C12orf42: variants seen among roughly 807,000 people sequenced by gnomAD.
C12orf42 encodes chromosome 12 open reading frame 42, also known as uncharacterized protein C12orf42.
C12orf42 carries 25 observed loss-of-function variants against 21.6 expected under a neutral mutation model. The observed-to-expected ratio is 1.16, with a 90% CI of 0.84 to 1.62. The LOEUF (loss-of-function observed/expected upper bound fraction) is 1.62, where lower values mean the gene tolerates loss of function less well. C12orf42 is among the 40% of genes most tolerant of loss of function. The pLI, the probability that C12orf42 is intolerant of heterozygous loss-of-function variation, is 0.00. For synonymous variants in C12orf42, 174 were observed against 175.0 expected (o/e 0.99, Z 0.05); for missense variants, 483 against 459.3 (o/e 1.05, Z -0.47).
At chr12:103,256,146 GTATATATACACACA>G (rs2034601772) in intron 10 of C12orf42, among the ~76,000 whole-genome samples, 1 of 52,382 alleles carries the variant, frequency 1.9e-5, no homozygotes, top group Non-Finnish European at 3.5e-5. Context: ...ACACACACAC[GTATATATACACACA>G]TATATATACA....
intron 3 of C12orf42, among the ~76,000 whole-genome samples, chr12:103,382,152 T>C (rs951804581): frequency 3.3e-5 from 5 of 152,148 alleles, no homozygotes; most frequent in African/African-American, 1.2e-4. Context: ...AAGTAAAAGA[T>C]GGAATCATGG....
At chr12:103,275,988 T>C (rs979252477) in intron 5 of C12orf42, among the ~76,000 whole-genome samples, 2 of 152,144 alleles carry the variant, frequency 1.3e-5, no homozygotes, top group African/African-American at 4.8e-5. Context: ...TGAAAGGATC[T>C]CTTGAGCCCA....
chr12:103,455,231 G>A (rs1952209378), intron 2 of C12orf42, among the ~76,000 whole-genome samples: 1 of 152,128 alleles, frequency 6.6e-6, no homozygotes, highest in Non-Finnish European at 1.5e-5. Context: ...TATTCAAGAT[G>A]ATGCTGCAAC....
At chr12:103,271,784 C>T (rs887338042) in intron 5 of C12orf42, among the ~76,000 whole-genome samples, 2 of 152,138 alleles carry the variant, frequency 1.3e-5, no homozygotes, top group Admixed American at 1.3e-4. Flanking sequence ...TCATTTTCAA[C>T]ATATGCATTG....
intron 2 of C12orf42, among the ~76,000 whole-genome samples, chr12:103,422,677 A>C (rs2050011458): frequency 6.6e-6 from 1 of 152,214 alleles, no homozygotes; most frequent in Admixed American, 6.5e-5. Flanking sequence ...AAGCAAAAAT[A>C]AAGGAAATAA....
At chr12:103,483,283 T>C (rs1223756784) in intron 1 of C12orf42, among the ~76,000 whole-genome samples, 1 of 152,134 alleles carries the variant, frequency 6.6e-6, no homozygotes, top group Non-Finnish European at 1.5e-5. Flanking sequence ...TTGTTGATAA[T>C]GGGGAACACT....
At chr12:103,208,276 A>G in the C12orf42 span, among the ~76,000 whole-genome samples, 1 of 152,144 alleles carries the variant, frequency 6.6e-6, no homozygotes, top group Admixed American at 6.6e-5. Flanking sequence ...CTAACACACT[A>G]ATACCAAGCC....
intron 3 of C12orf42, among the ~76,000 whole-genome samples, chr12:103,399,553 C>G (rs2047819098): frequency 6.7e-6 from 1 of 149,150 alleles, no homozygotes; most frequent in Non-Finnish European, 1.5e-5. Flanking sequence ...CCTACCCTAA[C>G]AAAAGCAGCA....
chr12:103,261,571 C>T (rs1057070078), intron 10 of C12orf42, among the ~76,000 whole-genome samples: 40 of 150,872 alleles, frequency 2.7e-4, no homozygotes, highest in African/African-American at 8.5e-4. Context: ...TTCCATAATA[C>T]TTAACATAGA....
chr12:103,428,752 T>A (rs1013472867), intron 2 of C12orf42, among the ~76,000 whole-genome samples: 8 of 151,880 alleles, frequency 5.3e-5, no homozygotes, highest in African/African-American at 9.7e-5. Context: ...CAGCAGCACA[T>A]CAAAAAGCTT....
the C12orf42 span, among the ~76,000 whole-genome samples, chr12:103,207,035 G>A: frequency 1.3e-5 from 2 of 152,132 alleles, no homozygotes; most frequent in Non-Finnish European, 2.9e-5. Context: ...GGATGAAAAG[G>A]TAGCTCTGTG....
chr12:103,053,409 T>C, the C12orf42 span, among the ~76,000 whole-genome samples: 3 of 151,996 alleles, frequency 2.0e-5, no homozygotes, highest in Admixed American at 2.0e-4. Flanking sequence ...ATAAATAAAA[T>C]GTCTGTTCAT....
the C12orf42 span, among the ~76,000 whole-genome samples, chr12:103,169,928 A>G: frequency 1.3e-5 from 2 of 152,108 alleles, no homozygotes; most frequent in Non-Finnish European, 2.9e-5. Context: ...TACTGGACTA[A>G]GGAGCTCCCA....
the C12orf42 span, among the ~76,000 whole-genome samples, chr12:103,207,764 T>A: frequency 6.6e-6 from 1 of 152,132 alleles, no homozygotes; most frequent in Non-Finnish European, 1.5e-5. Context: ...TTAAAACAGT[T>A]CCTTGGCATA....
the C12orf42 span, among the ~76,000 whole-genome samples, chr12:103,072,562 C>A: frequency 3.9e-5 from 6 of 152,162 alleles, no homozygotes; most frequent in African/African-American, 1.4e-4. Context: ...ACACTTGGAG[C>A]AGATGAGAGT....
chr12:103,232,707 T>C (rs563863577), downstream of C12orf42, among the ~76,000 whole-genome samples: 746 of 88,184 alleles, frequency 8.5e-3, 14 homozygotes, highest in African/African-American at 0.042. Flanking sequence ...CTAGACTCCG[T>C]CTCAAAAAAA....
chr12:103,199,196 G>A, the C12orf42 span, among the ~76,000 whole-genome samples: 1 of 152,110 alleles, frequency 6.6e-6, no homozygotes, highest in African/African-American at 2.4e-5. Context: ...ACAGTACCAA[G>A]AATACATAAT....
the C12orf42 span, among the ~76,000 whole-genome samples, chr12:103,070,050 G>A: frequency 2.0e-5 from 3 of 152,082 alleles, no homozygotes; most frequent in African/African-American, 7.2e-5. Flanking sequence ...TCTTTTTGGT[G>A]GATTCTGAAC....
the C12orf42 span, among the ~76,000 whole-genome samples, chr12:103,169,581 G>A: frequency 6.6e-6 from 1 of 152,164 alleles, no homozygotes; most frequent in Non-Finnish European, 1.5e-5. Flanking sequence ...CCCACCTCCA[G>A]TGTCAGTGCT....
Sources: gnomAD v4.1 joint callset for allele counts (sites outside exome capture counted in the v4.1 genomes callset) on GRCh38, gnomAD v4.1.1 for gene constraint, MANE v1.5 for transcripts, NCBI Gene and HGNC (gene_info 2026-07-23, HGNC 2026-07-21) for gene names.